Variants in ABI3BP observed in about 807,000 individuals in gnomAD.
The protein encoded by ABI3BP is target of Nesh-SH3.
A neutral mutation model predicts 268.6 loss-of-function variants in ABI3BP; 216 were observed. The ratio of observed to expected loss-of-function variants is 0.80; its 90% confidence interval spans 0.72 to 0.90. The LOEUF is 0.90. ABI3BP is among the 40% of genes least tolerant of loss of function. ABI3BP has a pLI of 0.00. For synonymous variants in ABI3BP, 730 were observed against 730.0 expected (o/e 1.00, Z 0.00); for missense variants, 2,090 against 2,182.4 (o/e 0.96, Z 0.84).
chr3:100,944,749 A>G (rs1229048946), intron 1 of ABI3BP, among the ~76,000 whole-genome samples: 3 of 152,154 alleles, frequency 2.0e-5, no homozygotes, highest in African/African-American at 7.2e-5. Flanking sequence ...CCCAGTACTG[A>G]TGGTATATAC....
In ABI3BP at chr3:100,749,315, TAAC is replaced by T. The variant is rs1553708468; in HGVS notation, c.*1177_*1179del. ...AACATACTGATGAACCATTCAGAAA[TAAC>T]AAACAAAAACTCAATCTTAAAAAAA... is the stretch of plus-strand genomic sequence containing the variant. On this transcript the variant is annotated 3_prime_UTR_variant, in exon 68 of 68. Transcript: ENST00000471714. 1.4e-5 allele frequency: 1 copy of T among 69,792 alleles called. No homozygotes were observed. 4.3% of individuals were successfully genotyped at this position (69,792 alleles called of 1,614,324 possible). A position where few individuals can be genotyped will look rare whatever the true frequency, so the allele number is the denominator to read the frequency against.
chr3:100,968,196 T>C (rs1283746766), intron 1 of ABI3BP, among the ~76,000 whole-genome samples: 1 of 152,204 alleles, frequency 6.6e-6, no homozygotes, highest in Non-Finnish European at 1.5e-5. Context: ...CCCAAAATCC[T>C]GTTAAGAAAA....
At chr3:100,898,670 T>C in intron 4 of ABI3BP, 92 bp downstream of exon 4, 1 of 1,412,630 alleles carries the variant, frequency 7.1e-7, no homozygotes, top group Non-Finnish European at 9.6e-7. Flanking sequence ...GCTGTACAGC[T>C]AAGAGGTGTT....
At chr3:100,848,233 A>G (rs1354094417) in intron 18 of ABI3BP, among the ~76,000 whole-genome samples, 1 of 138,998 alleles carries the variant, frequency 7.2e-6, no homozygotes, top group Admixed American at 7.1e-5. Context: ...ACCAAAAAAA[A>G]TAGAAACATC....
intron 20 of ABI3BP, among the ~76,000 whole-genome samples, chr3:100,845,497 T>A (rs146288809): frequency 2.1e-4 from 32 of 152,310 alleles, no homozygotes; most frequent in African/African-American, 7.0e-4. Flanking sequence ...AGCCATTTCA[T>A]TGCAAAAATA....
rs546802348 is a variant in ABI3BP at position 100,899,236 on chromosome 3, G to A, written c.329-342C>T. Among the ~76,000 whole-genome samples, 4 of 152,290 alleles carry A rather than the reference G, an allele frequency of 2.6e-5. No individual in the cohort carries two copies. The South Asian group carries it at 6.2e-4, about 24-fold the overall frequency. ...GATATGGAGGTCTTAGCTGTGATGA[G>A]TGAAATAAACAAACACACATACACA... On this transcript the variant is annotated intron_variant, in intron 3 of 67. Coordinates refer to ENST00000471714, the MANE Select transcript of ABI3BP (RefSeq NM_001375547.2).
Position 100,926,453 on chromosome 3 carries a change from G to C in ABI3BP, c.108C>G (p.Ile36Met). ...KGKRPNLKVH[I>M]NTTSDSILLK... is the part of the protein sequence containing the mutation. ...AGAGGATGGAGTCACTTGTGGTATT[G>C]ATGTGGACTTTGAGGTTTGGCCTTT... Residue 36 changes from isoleucine (I) to methionine (M), a missense_variant, in exon 2 of 68, where the codon ATC becomes ATG. Coordinates refer to ENST00000471714, the MANE Select transcript of ABI3BP (RefSeq NM_001375547.2). 1 of 1,613,314 alleles carries C rather than the reference G, an allele frequency of 6.2e-7. No homozygotes were observed. The highest frequency in any genetic ancestry group is 2.2e-5 in the East Asian group (1 of 44,860).
chr3:100,979,138 C>G (rs970977062), intron 1 of ABI3BP, among the ~76,000 whole-genome samples: 2 of 152,196 alleles, frequency 1.3e-5, no homozygotes, highest in African/African-American at 2.4e-5. Context: ...TTATCCAGCC[C>G]TCTAAGAGAT....
chr3:100,814,485 C>T (rs771167348), intron 44 of ABI3BP, among the ~76,000 whole-genome samples: 3 of 152,068 alleles, frequency 2.0e-5, no homozygotes, highest in Non-Finnish European at 4.4e-5. Flanking sequence ...CAAAGTCCAA[C>T]TACTCTCTGT....
chr3:100,927,117 CT>C (rs1273466951), intron 1 of ABI3BP, among the ~76,000 whole-genome samples: 1 of 152,144 alleles, frequency 6.6e-6, no homozygotes, highest in African/African-American at 2.4e-5. Context: ...CGAGACCCAT[CT>C]GGGTGTCATT....
At chr3:100,902,275 A>G (rs2050785507) in intron 3 of ABI3BP, among the ~76,000 whole-genome samples, 1 of 152,242 alleles carries the variant, frequency 6.6e-6, no homozygotes, top group South Asian at 2.1e-4. Flanking sequence ...GGCTAATAGG[A>G]GCTAACCCCA....
In ABI3BP at chr3:100,812,509, C is replaced by A; in HGVS notation, c.3379G>T (p.Glu1127Ter). ...GACTCAGTACTAAGTGTAACCGATT[C>A]CAGAACATCAGAAACTAGTAAAAAA... Reference protein sequence around the residue: ...TESQPVSDVLESVTLSTESPK... With the variant: ...TESQPVSDVL Residue 1127 changes from glutamate (E) to a stop codon, truncating the protein, a stop_gained, in exon 46 of 68, where the codon GAA becomes TAA. Transcript: ENST00000471714. LOFTEE classifies it high-confidence loss of function. 2.3e-6 allele frequency: 3 copies of A among 1,328,132 alleles called. No homozygotes were observed. Among genetic ancestry groups the A allele is most frequent in the South Asian group, 2.2e-5 (1 of 44,668 alleles). 82.3% of individuals were successfully genotyped at this position (1,328,132 alleles called of 1,614,324 possible).
In ABI3BP at chr3:100,850,096, G is replaced by A. The variant is rs1299717321; in HGVS notation, c.1450C>T (p.Pro484Ser). 2 of 1,610,378 alleles carry A rather than the reference G, an allele frequency of 1.2e-6. No homozygotes were observed. The highest frequency in any genetic ancestry group is 1.7e-6 in the Non-Finnish European group (2 of 1,178,346). The change falls in exon 17 of 68, where the codon CCT becomes TCT. Residue 484 changes from proline (P) to serine (S), a missense_variant. Transcript: ENST00000471714. ...CTGGTAAAGATTTCCAGTTTTTGAG[G>A]AACAAATGGTGTTTCACTTGGAGCT... is the stretch of plus-strand genomic sequence containing the variant. ...TLAPSETPFVPQKLEIFTSPE... is the reference protein window; with the variant it reads ...TLAPSETPFVSQKLEIFTSPE...
intron 63 of ABI3BP, among the ~76,000 whole-genome samples, chr3:100,755,800 C>T (rs2095584251): frequency 6.6e-6 from 1 of 152,182 alleles, no homozygotes; most frequent in African/African-American, 2.4e-5. Flanking sequence ...CAACCTGAGT[C>T]AGCTAATAAT....
chr3:100,800,209 TAA>T (rs2097488800), intron 51 of ABI3BP, among the ~76,000 whole-genome samples: 1 of 131,464 alleles, frequency 7.6e-6, no homozygotes, highest in African/African-American at 3.7e-5. Context: ...TCCTGGCTAT[TAA>T]TCTTTTTTTT....
chr3:100,974,314 T>C (rs760446584), intron 1 of ABI3BP, among the ~76,000 whole-genome samples: 2 of 152,224 alleles, frequency 1.3e-5, no homozygotes, highest in African/African-American at 2.4e-5. Flanking sequence ...AGCAAGTGCT[T>C]ATAGCAGTTT....
chr3:100,936,611 T>C lies in ABI3BP; in HGVS notation c.80-10130A>G, dbSNP rs981377599. Among the ~76,000 whole-genome samples, 15 of 151,196 alleles carry C rather than the reference T, an allele frequency of 9.9e-5. No homozygotes were observed. In the East Asian group the frequency reaches 2.5e-3, roughly 25 times the overall value. ...GCTGTGAATCTGTCTGGTCCTGGAC[T>C]TTTTTTTTGGTTGTTAGGCTATTAA... On this transcript the variant is annotated intron_variant, in intron 1 of 67. Coordinates refer to ENST00000471714, the MANE Select transcript of ABI3BP (RefSeq NM_001375547.2).
rs569929882 is a variant in ABI3BP at position 100,756,595 on chromosome 3, A to G, written c.4851-1904T>C. ...AACTGAAAATGGAAAAAAAGAAATC[A>G]TAGCCATCTGGACTTTGATTCAAAT... is the stretch of plus-strand genomic sequence containing the variant. On this transcript the variant is annotated intron_variant, in intron 63 of 67. Transcript: ENST00000471714. 3.9e-5 allele frequency among the ~76,000 whole-genome samples: 6 copies of G among 152,294 alleles called. No homozygotes were observed. In the East Asian group the frequency reaches 1.2e-3, roughly 29 times the overall value.
In ABI3BP at chr3:100,751,442, G is replaced by A. The variant is rs576805179; in HGVS notation, c.5245+110C>T. On this transcript the variant is annotated intron_variant, in intron 67 of 67. Transcript: ENST00000471714. The stretch of plus-strand genomic sequence containing the variant: ...GTCTTCATTTTTTCCTAGATATGTG[G>A]AGCAGTAGTACTATAGAATTCTTTT... 9.5e-4 allele frequency: 1,091 copies of A among 1,145,066 alleles called. 3 individuals carry two copies. The highest frequency in any genetic ancestry group is 8.7e-4 in the Non-Finnish European group (773 of 888,418). The allele number at this position is 1,145,066 out of a possible 1,614,324, so 70.9% of individuals were successfully genotyped here. A position where few individuals can be genotyped will look rare whatever the true frequency, so the allele number is the denominator to read the frequency against.
Sources: allele counts gnomAD v4.1 joint callset (sites outside exome capture counted in the v4.1 genomes callset), GRCh38; gene constraint gnomAD v4.1.1; transcripts MANE v1.5; gene names NCBI Gene and HGNC (gene_info 2026-07-23, HGNC 2026-07-21).